SUPT3H: variants seen among roughly 807,000 people sequenced by gnomAD.
The protein encoded by SUPT3H is SPT3 homolog, SAGA and STAGA complex component.
Under a neutral mutation model 44.3 loss-of-function variants are expected in SUPT3H, and 44 were observed. The observed-to-expected ratio is 0.99, with a 90% confidence interval of 0.78 to 1.28. SUPT3H has a LOEUF of 1.28. Ranked by LOEUF, SUPT3H falls within the 50% of genes most tolerant of loss-of-function variation. The probability of loss-of-function intolerance (pLI) is 0.00; values close to 1 mark genes in which losing one functional copy is unlikely to be tolerated. For synonymous variants in SUPT3H, 124 were observed against 125.6 expected (o/e 0.99, Z 0.09); for missense variants, 380 against 387.1 (o/e 0.98, Z 0.15).
chr6:45,157,270 A>T (rs1455869441), intron 2 of SUPT3H, among the ~76,000 whole-genome samples: 3 of 152,064 alleles, frequency 2.0e-5, no homozygotes, highest in Admixed American at 2.0e-4. Context: ...ATTTTGAAAC[A>T]TTCTTTTTAA....
intron 3 of SUPT3H, among the ~76,000 whole-genome samples, chr6:45,046,809 C>A (rs894608228): frequency 6.6e-6 from 1 of 152,138 alleles, no homozygotes; most frequent in Non-Finnish European, 1.5e-5. Flanking sequence ...ATCTGTAGAA[C>A]AATTTGGGGA....
chr6:45,194,662 G>A (rs1425533634), intron 2 of SUPT3H, among the ~76,000 whole-genome samples: 1 of 151,940 alleles, frequency 6.6e-6, no homozygotes, highest in South Asian at 2.1e-4. Flanking sequence ...CTCTAAAGTG[G>A]CATCAAGGTT....
At position 44,897,980 on chromosome 6, in the gene SUPT3H, A is replaced by C. The variant is rs529220501; in HGVS notation, c.912+34673T>G. The stretch of plus-strand genomic sequence containing the variant: ...TTTGAGAAAATGCCAAGATCTCAGA[A>C]CCATTCCATCCAAAAAAACTTATAA... On this transcript the variant is annotated intron_variant, in intron 10 of 10. Transcript: ENST00000371459. Among the ~76,000 whole-genome samples, 4 of 152,336 alleles carry C rather than the reference A, an allele frequency of 2.6e-5. No individual in the cohort carries two copies. In the South Asian group the frequency reaches 6.2e-4, roughly 24 times the overall value.
intron 6 of SUPT3H, among the ~76,000 whole-genome samples, chr6:44,996,219 C>T (rs1469041489): frequency 6.6e-6 from 1 of 151,684 alleles, no homozygotes; most frequent in Non-Finnish European, 1.5e-5. Context: ...AATGTGTTAC[C>T]ACTCCCATCT....
At chr6:45,028,349 CTTCT>C (rs1338374740) in intron 3 of SUPT3H, among the ~76,000 whole-genome samples, 1 of 152,112 alleles carries the variant, frequency 6.6e-6, no homozygotes, top group East Asian at 1.9e-4. Flanking sequence ...CTACACAAGA[CTTCT>C]TTCTTCAGAG....
chr6:45,264,543 A>G (rs1007270368), intron 2 of SUPT3H, among the ~76,000 whole-genome samples: 3 of 152,154 alleles, frequency 2.0e-5, no homozygotes, highest in African/African-American at 7.2e-5. Flanking sequence ...ACCTGTAGTC[A>G]TTAAGATTTA....
intron 2 of SUPT3H, among the ~76,000 whole-genome samples, chr6:45,216,382 G>T (rs1228749869): frequency 6.6e-6 from 1 of 152,020 alleles, no homozygotes; most frequent in Admixed American, 6.6e-5. Flanking sequence ...ATTAATAAAG[G>T]AACGAAGTAT....
At chr6:44,856,188 G>A (rs1006793791) in intron 10 of SUPT3H, among the ~76,000 whole-genome samples, 1 of 152,164 alleles carries the variant, frequency 6.6e-6, no homozygotes, top group Admixed American at 6.5e-5. Context: ...AAGCAGGAAG[G>A]AGAGTGAATG....
intron 2 of SUPT3H, among the ~76,000 whole-genome samples, chr6:45,141,354 A>AAG (rs1805162921): frequency 6.7e-6 from 1 of 150,228 alleles, no homozygotes; most frequent in Non-Finnish European, 1.5e-5. Context: ...AAAAAAAAAA[A>AAG]AAAAAAAAAG....
intron 2 of SUPT3H, among the ~76,000 whole-genome samples, chr6:45,282,486 G>T (rs959234980): frequency 6.6e-6 from 1 of 152,196 alleles, no homozygotes; most frequent in South Asian, 2.1e-4. Context: ...AAGGGTATCA[G>T]TGATGGAAGA....
chr6:45,056,959 T>A (rs1791227159), intron 3 of SUPT3H, among the ~76,000 whole-genome samples: 1 of 152,126 alleles, frequency 6.6e-6, no homozygotes, highest in Non-Finnish European at 1.5e-5. Context: ...ATAAAAAGTG[T>A]CTCAGAGAGA....
At chr6:44,989,250 T>C (rs1320831899) in intron 6 of SUPT3H, among the ~76,000 whole-genome samples, 4 of 152,190 alleles carry the variant, frequency 2.6e-5, no homozygotes, top group Non-Finnish European at 5.9e-5. Flanking sequence ...TCTTTCTGTG[T>C]CTGGCTTACT....
At chr6:45,063,297 G>A (rs1343315680) in intron 3 of SUPT3H, among the ~76,000 whole-genome samples, 21 of 148,752 alleles carry the variant, frequency 1.4e-4, no homozygotes, top group South Asian at 6.5e-4. Flanking sequence ...CATCCACACC[G>A]AAAACCCATC....
Position 44,944,762 on chromosome 6 carries a change from C to CAAAAAAAAAAAA in SUPT3H, c.801+8536_801+8547dup, listed in dbSNP as rs57506313. On this transcript the variant is annotated intron_variant, in intron 9 of 10. Coordinates refer to ENST00000371459, the MANE Select transcript of SUPT3H (RefSeq NM_003599.4). ...GGGAGACAAAGCAAGACCCTCTCTC[C>CAAAAAAAAAAAA]AAAAAAAAAAAAAAAAAAAAAAAGA... Among the ~76,000 whole-genome samples the CAAAAAAAAAAAA allele has an allele frequency of 6.1e-3, 183 of 29,826 alleles. 11 individuals are homozygous for CAAAAAAAAAAAA. Among genetic ancestry groups the CAAAAAAAAAAAA allele is most frequent in the South Asian group, 6.9e-3 (6 of 872 alleles). The allele number at this position is 29,826 out of a possible 152,430, so 19.6% of individuals were successfully genotyped here.
intron 10 of SUPT3H, among the ~76,000 whole-genome samples, chr6:44,845,926 C>A (rs554733788): frequency 6.6e-6 from 1 of 152,190 alleles, no homozygotes; most frequent in South Asian, 2.1e-4. Flanking sequence ...TCTGTCCTTG[C>A]GATAAGGCAG....
chr6:45,230,660 G>GCCTATATATATATATATATATATATATA lies in SUPT3H; in HGVS notation c.102-124655_102-124654insTATATATATATATATATATATATATAGG, dbSNP rs765270979. 9.6e-4 allele frequency among the ~76,000 whole-genome samples: 49 copies of GCCTATATATATATATATATATATATATA among 51,148 alleles called. 1 individual carries two copies. Among genetic ancestry groups the GCCTATATATATATATATATATATATATA allele is most frequent in the Non-Finnish European group, 1.2e-3 (29 of 24,090 alleles). The allele number at this position is 51,148 out of a possible 152,430, so 33.6% of individuals were successfully genotyped here. On this transcript the variant is annotated intron_variant, in intron 2 of 10. Coordinates refer to ENST00000371459, the MANE Select transcript of SUPT3H (RefSeq NM_003599.4). ...TGAAATCATGTTTTAAATTCATTCAGTCTATATATATATATATATATATAT... is the reference window on the plus strand; with the variant it reads ...TGAAATCATGTTTTAAATTCATTCAGCCTATATATATATATATATATATATATATCTATATATATATATATATATATAT...
At position 45,182,351 on chromosome 6, in the gene SUPT3H, C is replaced by A. The variant is rs144801227; in HGVS notation, c.102-76345G>T. On this transcript the variant is annotated intron_variant, in intron 2 of 10. Transcript: ENST00000371459. Reference sequence around the variant, plus strand: ...TCTCGACTCACTGCAACCTCCGCCTCCCAGGTTCAAGTGATTCTCATGCCT... The same window carrying A: ...TCTCGACTCACTGCAACCTCCGCCTACCAGGTTCAAGTGATTCTCATGCCT... Among the ~76,000 whole-genome samples, 1,482 of 152,276 alleles carry A rather than the reference C, an allele frequency of 9.7e-3. 12 individuals are homozygous for A. The highest frequency in any genetic ancestry group is 0.015 in the Non-Finnish European group (1,030 of 68,022).
At chr6:44,974,126 A>C (rs1777980266) in intron 6 of SUPT3H, among the ~76,000 whole-genome samples, 1 of 152,016 alleles carries the variant, frequency 6.6e-6, no homozygotes, top group Non-Finnish European at 1.5e-5. Flanking sequence ...TCTTACTCTA[A>C]AGTTTATGCT....
At chr6:45,039,345 G>A (rs1788157617) in intron 3 of SUPT3H, among the ~76,000 whole-genome samples, 2 of 152,098 alleles carry the variant, frequency 1.3e-5, no homozygotes, top group African/African-American at 4.8e-5. Context: ...GAGGTGGTAC[G>A]TGTGATAGGC....
Sources: gnomAD v4.1 joint callset for allele counts (sites outside exome capture counted in the v4.1 genomes callset) on GRCh38, gnomAD v4.1.1 for gene constraint, MANE v1.5 for transcripts, NCBI Gene and HGNC (gene_info 2026-07-23, HGNC 2026-07-21) for gene names.